The following OR51B5 variants were observed in gnomAD, a reference collection of about 807,000 sequenced individuals.
OR51B5 encodes the protein olfactory receptor family 51 subfamily B member 5.
For missense variants in OR51B5, 456 were observed against 374.6 expected, an observed-to-expected ratio of 1.22 and a Z score of -1.79; for synonymous variants, 186 against 144.8, an observed-to-expected ratio of 1.28 and a Z score of -2.04.
upstream of OR51B5, chr11:5,346,766 T>C (rs568259956): frequency 6.6e-6 from 1 of 151,942 alleles, no homozygotes; most frequent in South Asian, 2.1e-4. Flanking sequence ...CTGGAGAGCT[T>C]ATAGAGGAGT....
At chr11:5,489,496 A>C in intron 1 of OR51B5, 4 of 1,613,760 alleles carry the variant, frequency 2.5e-6, no homozygotes, top group Non-Finnish European at 3.4e-6. Context: ...CTCCTTCCTC[A>C]CCCACCGCTT....
chr11:5,365,254 G>C (rs908049594), intron 1 of OR51B5, among the ~76,000 whole-genome samples: 1 of 152,240 alleles, frequency 6.6e-6, no homozygotes, highest in Non-Finnish European at 1.5e-5. Context: ...TAGTGAACCA[G>C]AAGGGCTGGT....
At chr11:5,387,912 G>C (rs185335078) in intron 1 of OR51B5, among the ~76,000 whole-genome samples, 4 of 147,756 alleles carry the variant, frequency 2.7e-5, no homozygotes, top group African/African-American at 9.8e-5. Flanking sequence ...GTATGTATGT[G>C]TTTATTTTTG....
chr11:5,384,399 C>A (rs1446807439), intron 1 of OR51B5, among the ~76,000 whole-genome samples: 3 of 152,184 alleles, frequency 2.0e-5, no homozygotes, highest in Admixed American at 6.5e-5. Context: ...CTCACAGAAT[C>A]TCTTCTGATA....
At chr11:5,343,620 G>C (rs1279794309), upstream of OR51B5, 1 of 567,838 alleles carries the variant, frequency 1.8e-6, no homozygotes, top group Non-Finnish European at 3.1e-6. Flanking sequence ...ATCATTCTCA[G>C]AATTTTTTCC....
upstream of OR51B5, among the ~76,000 whole-genome samples, chr11:5,348,367 C>T (rs750635887): frequency 7.2e-5 from 11 of 152,112 alleles, no homozygotes; most frequent in Non-Finnish European, 1.3e-4. Context: ...GAGAGTCCCC[C>T]TGCCCCCAAC....
intron 1 of OR51B5, among the ~76,000 whole-genome samples, chr11:5,467,052 ATTT>A (rs1564823000): frequency 6.6e-6 from 1 of 152,154 alleles, no homozygotes; most frequent in Non-Finnish European, 1.5e-5. Context: ...TTTGCTGGAC[ATTT>A]TTGAGATTTT....
chr11:5,402,650 T>G (rs761765446), intron 1 of OR51B5: 14 of 471,330 alleles, frequency 3.0e-5, no homozygotes, highest in South Asian at 2.2e-4. Flanking sequence ...TCATTTTGGT[T>G]GGCATCCCAG....
chr11:5,364,060 T>A (rs1378322528), intron 1 of OR51B5, among the ~76,000 whole-genome samples: 1 of 152,176 alleles, frequency 6.6e-6, no homozygotes, highest in Non-Finnish European at 1.5e-5. Context: ...CTGAGCCAGG[T>A]ACTATCTCAT....
chr11:5,354,010 G>C (rs1174172943), intron 1 of OR51B5, among the ~76,000 whole-genome samples: 1 of 151,766 alleles, frequency 6.6e-6, no homozygotes, highest in Admixed American at 6.6e-5. Flanking sequence ...TTGACTGTGT[G>C]CTCGAGGATG....
intron 1 of OR51B5, among the ~76,000 whole-genome samples, chr11:5,425,849 C>G (rs538101846): frequency 1.3e-5 from 2 of 152,230 alleles, no homozygotes; most frequent in East Asian, 3.9e-4. Context: ...CAAATAGAAG[C>G]TAGCCTAGCC....
At chr11:5,387,495 T>C (rs746396222) in intron 1 of OR51B5, among the ~76,000 whole-genome samples, 2 of 152,200 alleles carry the variant, frequency 1.3e-5, no homozygotes, top group African/African-American at 4.8e-5. Flanking sequence ...AAGCCTTATA[T>C]CCATGCAGCA....
intron 1 of OR51B5, among the ~76,000 whole-genome samples, chr11:5,495,410 G>C (rs1308182028): frequency 6.6e-5 from 10 of 152,172 alleles, no homozygotes; most frequent in Admixed American, 5.2e-4. Context: ...AATTTGCTAA[G>C]GGATACACAG....
At chr11:5,375,065 G>A (rs1182561111) in intron 1 of OR51B5, among the ~76,000 whole-genome samples, 1 of 151,170 alleles carries the variant, frequency 6.6e-6, no homozygotes, top group Admixed American at 6.6e-5. Context: ...AGGAAAAAAT[G>A]TTAAGGGCAG....
chr11:5,476,793 A>C (rs577723003), intron 1 of OR51B5, among the ~76,000 whole-genome samples: 1 of 152,226 alleles, frequency 6.6e-6, no homozygotes, highest in East Asian at 1.9e-4. Flanking sequence ...CAGCTGTAAA[A>C]CAAGAATAAT....
chr11:5,362,905 G>A (rs1849306496), intron 1 of OR51B5: 1 of 166,724 alleles, frequency 6.0e-6, no homozygotes, highest in Admixed American at 6.4e-5. Context: ...TGTAAATTAA[G>A]TTTTCTTTCT....
intron 1 of OR51B5, among the ~76,000 whole-genome samples, chr11:5,357,750 T>A (rs1849217641): frequency 6.7e-6 from 1 of 149,810 alleles, no homozygotes; most frequent in Non-Finnish European, 1.5e-5. Context: ...AGTAAAGCAC[T>A]CCTCAGCAAA....
intron 1 of OR51B5, among the ~76,000 whole-genome samples, chr11:5,457,444 G>A (rs569251652): frequency 1.3e-5 from 2 of 152,276 alleles, no homozygotes; most frequent in Non-Finnish European, 2.9e-5. Context: ...ACATACAAGC[G>A]TATGTGTCTT....
At chr11:5,481,594 G>A (rs1243544630) in intron 1 of OR51B5, among the ~76,000 whole-genome samples, 3 of 150,654 alleles carry the variant, frequency 2.0e-5, no homozygotes, top group Non-Finnish European at 2.9e-5. Flanking sequence ...TGACATGAAT[G>A]TGTATCTAGA....
Sources: allele counts gnomAD v4.1 joint callset (sites outside exome capture counted in the v4.1 genomes callset), GRCh38; gene constraint gnomAD v4.1.1; transcripts MANE v1.5; gene names NCBI Gene and HGNC (gene_info 2026-07-23, HGNC 2026-07-21).